The following PIK3CA variants were observed in gnomAD, a reference collection of about 807,000 sequenced individuals.
The protein encoded by PIK3CA is phosphatidylinositol 4,5-bisphosphate 3-kinase catalytic subunit alpha isoform.
In PIK3CA, 27 loss-of-function variants were observed where a neutral mutation model predicts 138.2. The observed-to-expected ratio is 0.20, with a 90% CI of 0.14 to 0.27. The LOEUF (loss-of-function observed/expected upper bound fraction) is 0.27. PIK3CA is among the 10% of genes least tolerant of loss of function. The probability of loss-of-function intolerance (pLI) is 1.00; values close to 1 mark genes in which losing one functional copy is unlikely to be tolerated. For missense variants in PIK3CA, 544 were observed against 1,277.4 expected (o/e 0.43, Z 8.75); for synonymous variants, 358 against 413.2 (o/e 0.87, Z 1.62).
intron 1 of PIK3CA, among the ~76,000 whole-genome samples, chr3:179,185,890 T>C (rs925624218): frequency 2.6e-5 from 4 of 152,224 alleles, no homozygotes; most frequent in African/African-American, 9.6e-5. Context: ...GTCCTCGAAC[T>C]CAGTCCTTTT....
chr3:179,201,566 A>G (rs201720203), intron 4 of PIK3CA, 26 bp downstream of exon 4: 150 of 1,449,066 alleles, frequency 1.0e-4, no homozygotes, highest in Non-Finnish European at 1.3e-4. Flanking sequence ...CAAAATATTA[A>G]TTTTTAATTT....
chr3:179,210,089 A>G, intron 7 of PIK3CA, 97 bp from the exon 8 acceptor site: 1 of 897,848 alleles, frequency 1.1e-6, no homozygotes, highest in Non-Finnish European at 1.7e-6. Context: ...TCCCATTATT[A>G]TAGAGATGAT....
chr3:179,162,203 G>GTA lies in PIK3CA; in HGVS notation c.-77+13610_-77+13611dup, dbSNP rs538366692. Reference sequence around the variant, plus strand: ...TGTATTTAAAAGTGTGAATTTATGTGTATATATATATGTATCAAAGAGAAT... The same window carrying GTA: ...TGTATTTAAAAGTGTGAATTTATGTGTATATATATATATGTATCAAAGAGAAT... On this transcript the variant is annotated intron_variant, in intron 1 of 20. Transcript: ENST00000263967. Among the ~76,000 whole-genome samples, 82 of 152,054 alleles carry GTA rather than the reference G, an allele frequency of 5.4e-4. No homozygotes were observed. In the South Asian group the frequency reaches 7.5e-3, roughly 14 times the overall value.
chr3:179,228,969 CAT>C (rs1285194192), intron 17 of PIK3CA, among the ~76,000 whole-genome samples: 3 of 152,070 alleles, frequency 2.0e-5, no homozygotes, highest in Admixed American at 2.0e-4. Context: ...TAAATTAACA[CAT>C]ATTTTTAAAA....
At chr3:179,157,329 A>G (rs969304380) in intron 1 of PIK3CA, among the ~76,000 whole-genome samples, 1 of 152,138 alleles carries the variant, frequency 6.6e-6, no homozygotes, top group Non-Finnish European at 1.5e-5. Flanking sequence ...CTATATACCA[A>G]TTGTAAAAGT....
At position 179,232,057 on chromosome 3, in the gene PIK3CA, G is replaced by A. The variant is rs376900004; in HGVS notation, c.2936+1681G>A. Among the ~76,000 whole-genome samples, 27 of 152,108 alleles carry A rather than the reference G, an allele frequency of 1.8e-4. No individual in the cohort carries two copies. The South Asian group carries it at 5.6e-3, about 32-fold the overall frequency. ...TTGGGAATATTTTCTCCCATTCTACGGGTTGTCTGTTAACTTTGATGATTC... is the reference window on the plus strand; with the variant it reads ...TTGGGAATATTTTCTCCCATTCTACAGGTTGTCTGTTAACTTTGATGATTC... On this transcript the variant is annotated intron_variant, in intron 20 of 20. Transcript: ENST00000263967.
chr3:179,173,711 T>C (rs958437199), intron 1 of PIK3CA, among the ~76,000 whole-genome samples: 1 of 152,054 alleles, frequency 6.6e-6, no homozygotes, highest in Non-Finnish European at 1.5e-5. Context: ...CTTGTAGAGG[T>C]GGGTTTTGGC....
chr3:179,221,215 T>C lies in PIK3CA; in HGVS notation c.2187+58T>C, dbSNP rs568498114. 3.9e-5 allele frequency: 49 copies of C among 1,263,878 alleles called. 1 individual carries two copies. In the African/African-American group the frequency reaches 6.6e-4, roughly 17 times the overall value. The allele number at this position is 1,263,878 out of a possible 1,614,324, so 78.3% of individuals were successfully genotyped here. On this transcript the variant is annotated intron_variant, in intron 14 of 20. Transcript: ENST00000263967. ...TTCACTGCAGTGGGGCAGAGTTGTT[T>C]AGAAGCCCAGTGTATATACAGATCA...
intron 1 of PIK3CA, among the ~76,000 whole-genome samples, chr3:179,152,055 A>G (rs1458451555): frequency 6.6e-6 from 1 of 152,234 alleles, no homozygotes; most frequent in Non-Finnish European, 1.5e-5. Context: ...TGACTAAACA[A>G]ATAAATATAG....
intron 1 of PIK3CA, among the ~76,000 whole-genome samples, chr3:179,181,392 A>G (rs1430148904): frequency 6.6e-6 from 1 of 152,090 alleles, no homozygotes; most frequent in Admixed American, 6.5e-5. Context: ...CGGCACTGTT[A>G]TTTAGATCTT....
chr3:179,185,766 A>G (rs1194515435), intron 1 of PIK3CA, among the ~76,000 whole-genome samples: 1 of 152,150 alleles, frequency 6.6e-6, no homozygotes, highest in Non-Finnish European at 1.5e-5. Context: ...ACTACAAAGG[A>G]TATAGATGAA....
rs925785620 is a variant in PIK3CA, at chr3:179,236,345, A to G, written c.*1981A>G. ...ATTTAAACTCTGTTTTAAGCAGGAA[A>G]CCAGAAAGATTATTTTGCAGTTGTA... is the stretch of plus-strand genomic sequence containing the variant. On this transcript the variant is annotated 3_prime_UTR_variant, in exon 21 of 21. Transcript: ENST00000263967. 7 of 210,464 alleles carry G rather than the reference A, an allele frequency of 3.3e-5. No homozygotes were observed. The highest frequency in any genetic ancestry group is 1.6e-4 in the African/African-American group (7 of 44,062). 13.0% of individuals were successfully genotyped at this position (210,464 alleles called of 1,614,324 possible).
intron 1 of PIK3CA, among the ~76,000 whole-genome samples, chr3:179,188,600 T>A (rs1724050797): frequency 6.6e-6 from 1 of 152,188 alleles, no homozygotes. Context: ...CTGAGAGTGA[T>A]GGTTTACTTC....
At chr3:179,159,377 T>TA (rs1210401105) in intron 1 of PIK3CA, among the ~76,000 whole-genome samples, 1 of 152,222 alleles carries the variant, frequency 6.6e-6, no homozygotes, top group Non-Finnish European at 1.5e-5. Context: ...CACGAAGAGT[T>TA]ACAGCTGAAA....
rs2108387755 is a variant in PIK3CA, at chr3:179,199,842, C to A, written c.505C>A (p.Pro169Thr). Reference sequence around the variant, plus strand: ...TAGTAGAGCAATGTATGTCTATCCTCCAAATGTAGAATCTTCACCAGAATT... The same window carrying A: ...TAGTAGAGCAATGTATGTCTATCCTACAAATGTAGAATCTTCACCAGAATT... Reference protein sequence around the residue: ...PHSRAMYVYPPNVESSPELPK... With the variant: ...PHSRAMYVYPTNVESSPELPK... The change falls in exon 3 of 21, where the codon CCA becomes ACA. Residue 169 changes from proline to threonine, a missense_variant. Physicochemically the swap from Pro to Thr is conservative, Grantham distance 38 (BLOSUM62 -1). Transcript: ENST00000263967. 2 of 1,612,626 alleles carry A rather than the reference C, an allele frequency of 1.2e-6. No individual in the cohort carries two copies. Among genetic ancestry groups the A allele is most frequent in the Non-Finnish European group, 1.7e-6 (2 of 1,178,848 alleles).
At chr3:179,193,115 C>T (rs958869922) in intron 1 of PIK3CA, among the ~76,000 whole-genome samples, 3 of 152,098 alleles carry the variant, frequency 2.0e-5, no homozygotes, top group Non-Finnish European at 2.9e-5. Flanking sequence ...TGATGCAGAC[C>T]CAGTCCATAC....
chr3:179,173,404 C>CA (rs749831764), intron 1 of PIK3CA, among the ~76,000 whole-genome samples: 2,818 of 43,116 alleles, frequency 0.065, 148 homozygotes, highest in South Asian at 0.2. Context: ...GCTAAAAATA[C>CA]AAAAAAAAAA....
Position 179,220,565 on chromosome 3 carries a change from T to C in PIK3CA, c.2016-421T>C, listed in dbSNP as rs543919515. On this transcript the variant is annotated intron_variant, in intron 13 of 20. Transcript: ENST00000263967. This position sits in a 1 kb window ranked among gnomAD's most constrained non-coding sequence, Gnocchi z 4.1. ...AAGCAGATTTATATCTAATATGATATTTTAAGTGTTAAAATTTAATAATGG... is the reference window on the plus strand; with the variant it reads ...AAGCAGATTTATATCTAATATGATACTTTAAGTGTTAAAATTTAATAATGG... Among the ~76,000 whole-genome samples the C allele has an allele frequency of 6.6e-6, 1 of 152,316 alleles. No individual in the cohort carries two copies. The highest frequency in any genetic ancestry group is 2.1e-4 in the South Asian group (1 of 4,832).
rs1190143215 is a variant in PIK3CA at position 179,226,090 on chromosome 3, T to C, written c.2495+50T>C. ...TATGTTGAAAGTTATCCTGAAAAAG[T>C]GAACTATTAATAATTATAGAAGCAT... On this transcript the variant is annotated intron_variant, in intron 17 of 20. Coordinates refer to ENST00000263967, the MANE Select transcript of PIK3CA (RefSeq NM_006218.4). 6 of 992,022 alleles carry C rather than the reference T, an allele frequency of 6.0e-6. No homozygotes were observed. In the South Asian group the frequency reaches 7.9e-5, roughly 13 times the overall value. 61.5% of individuals were successfully genotyped at this position (992,022 alleles called of 1,614,324 possible).
Sources: allele counts gnomAD v4.1 joint callset (sites outside exome capture counted in the v4.1 genomes callset), GRCh38; gene constraint gnomAD v4.1.1; non-coding constraint Gnocchi (gnomAD v3.1); transcripts MANE v1.5; gene names NCBI Gene and HGNC (gene_info 2026-07-23, HGNC 2026-07-21).